The following EXD3 variants were observed in gnomAD, a reference collection of about 807,000 sequenced individuals.
The protein encoded by EXD3 is exonuclease mut-7 homolog.
Under a neutral mutation model 98.0 loss-of-function variants are expected in EXD3, and 92 were observed. The observed-to-expected ratio is 0.94, with a 90% confidence interval of 0.79 to 1.12. EXD3 has a LOEUF of 1.12. EXD3 is among the 50% of genes most tolerant of loss of function. EXD3 has a pLI of 0.00. For missense variants in EXD3, 1,222 were observed against 1,191.6 expected (o/e 1.03, Z -0.38); for synonymous variants, 569 against 526.0 (o/e 1.08, Z -1.12).
intron 7 of EXD3, 130 bp from the exon 8 acceptor site, chr9:137,356,498 T>C: frequency 1.5e-6 from 1 of 651,566 alleles, no homozygotes. Flanking sequence ...AATGCAGGCG[T>C]CACCGCCCCC....
chr9:137,373,053 T>C lies in EXD3; in HGVS notation c.314A>G (p.Gln105Arg). ...GACTTTGACCGCTCGGGCCTGCAGC[T>C]GCTTCAGCCTCAGGCTGTGCTGGAA... ...SLAQHSLRLK[Q>R]LQARAVKVLT... Residue 105 changes from glutamine (Q) to arginine (R), a missense_variant, in exon 5 of 22, where the codon CAG becomes CGG. Coordinates refer to ENST00000340951, the MANE Select transcript of EXD3 (RefSeq NM_017820.5). 6.3e-7 allele frequency: 1 copy of C among 1,589,096 alleles called. No individual in the cohort carries two copies. The highest frequency in any genetic ancestry group is 8.5e-7 in the Non-Finnish European group (1 of 1,170,332).
At chr9:137,312,840 GGGGCCAGCGCT>G (rs1258727553) in intron 19 of EXD3, among the ~76,000 whole-genome samples, 1 of 152,154 alleles carries the variant, frequency 6.6e-6, no homozygotes, top group Non-Finnish European at 1.5e-5. Context: ...CACAGCTGAA[GGGGCCAGCGCT>G]GGGCTGCAGA....
At position 137,353,964 on chromosome 9, in the gene EXD3, G is replaced by A. The variant is rs1210375275; in HGVS notation, c.870+375C>T. 14 of 1,077,974 alleles carry A rather than the reference G, an allele frequency of 1.3e-5. No homozygotes were observed. The South Asian group carries it at 1.8e-4, about 14-fold the overall frequency. The allele number at this position is 1,077,974 out of a possible 1,614,324, so 66.8% of individuals were successfully genotyped here. On this transcript the variant is annotated intron_variant, in intron 10 of 21. Transcript: ENST00000340951. ...CTGCCCTTCCGGCCGGCTCTGCGCTGGCACCGGGCTGGGGGGGCCTGGCCT... is the reference window on the plus strand; with the variant it reads ...CTGCCCTTCCGGCCGGCTCTGCGCTAGCACCGGGCTGGGGGGGCCTGGCCT...
chr9:137,354,902 G>A, intron 8 of EXD3, 129 bp from the exon 9 acceptor site: 2 of 909,006 alleles, frequency 2.2e-6, no homozygotes, highest in South Asian at 3.4e-5. Flanking sequence ...CTGCCCCGGA[G>A]CCCACCCCCT....
chr9:137,310,385 C>T (rs1831296974), intron 19 of EXD3, among the ~76,000 whole-genome samples: 1 of 152,188 alleles, frequency 6.6e-6, no homozygotes, highest in South Asian at 2.1e-4. Flanking sequence ...TACACCACCA[C>T]ACTCAGCTAA....
intron 21 of EXD3, 148 bp downstream of exon 21, chr9:137,307,460 C>T (rs1219632738): frequency 3.9e-6 from 5 of 1,266,322 alleles, no homozygotes; most frequent in Non-Finnish European, 5.3e-6. Context: ...AGGGACCCCA[C>T]CCCTCACCTT....
chr9:137,330,647 T>A (rs1169363491), intron 17 of EXD3, among the ~76,000 whole-genome samples: 1 of 150,332 alleles, frequency 6.7e-6, no homozygotes, highest in African/African-American at 2.5e-5. Flanking sequence ...ACACAGGAGC[T>A]ACACAGGACT....
chr9:137,392,455 G>T, intron 2 of EXD3: 2 of 172,976 alleles, frequency 1.2e-5, no homozygotes, highest in Non-Finnish European at 2.5e-5. Flanking sequence ...GGCACGGACA[G>T]GTGTCCAGGC....
chr9:137,389,394 G>A (rs1256608936), intron 2 of EXD3, among the ~76,000 whole-genome samples: 1 of 152,172 alleles, frequency 6.6e-6, no homozygotes, highest in African/African-American at 2.4e-5. Context: ...TCTCTCATCG[G>A]TCATGGGTCC....
chr9:137,407,477 G>T lies in EXD3; in HGVS notation c.-47-12073C>A, dbSNP rs889578881. On this transcript the variant is annotated intron_variant, in intron 1 of 21. Transcript: ENST00000340951. The surrounding 1 kb of genome is among the most constrained non-coding windows in gnomAD (Gnocchi z 4.4). ...CTGTGCCGTGCAAAGGGCAGGTCTG[G>T]CCGCTCTCGGGCTCTGCCCTGCCAG... 3.9e-5 allele frequency among the ~76,000 whole-genome samples: 6 copies of T among 152,298 alleles called. No individual in the cohort carries two copies. In the Middle Eastern group the frequency reaches 0.01, roughly 259 times the overall value.
intron 1 of EXD3, among the ~76,000 whole-genome samples, chr9:137,420,877 C>T (rs1454022705): frequency 1.3e-5 from 2 of 152,012 alleles, no homozygotes; most frequent in Non-Finnish European, 2.9e-5. Context: ...TGCAGTGGTG[C>T]GATCATAGCT....
At chr9:137,315,800 C>G (rs1014655426) in intron 19 of EXD3, among the ~76,000 whole-genome samples, 6 of 151,960 alleles carry the variant, frequency 3.9e-5, no homozygotes, top group African/African-American at 1.5e-4. Flanking sequence ...AGCCCCAGAC[C>G]CCACTCCCCG....
intron 1 of EXD3, among the ~76,000 whole-genome samples, chr9:137,402,260 C>CT (rs1179754099): frequency 6.6e-6 from 1 of 152,122 alleles, no homozygotes; most frequent in African/African-American, 2.4e-5. Flanking sequence ...GTGATCCGCC[C>CT]GTCTCAGCCT....
intron 19 of EXD3, among the ~76,000 whole-genome samples, chr9:137,315,307 CT>C (rs1831585257): frequency 6.6e-6 from 1 of 152,270 alleles, no homozygotes; most frequent in South Asian, 2.1e-4. Context: ...CCACCCCACC[CT>C]GTGCCCTCAG....
At chr9:137,354,305 C>A in intron 10 of EXD3, 34 bp downstream of exon 10, 1 of 1,610,378 alleles carries the variant, frequency 6.2e-7, no homozygotes, top group Non-Finnish European at 8.5e-7. Flanking sequence ...GCCCAGGCCG[C>A]CCTGCCGGCT....
At chr9:137,392,879 C>A in intron 2 of EXD3, 1 of 392,846 alleles carries the variant, frequency 2.5e-6, no homozygotes, top group Non-Finnish European at 4.8e-6. Context: ...CCAGGGAGGA[C>A]CATTAGTGTT....
At position 137,319,175 on chromosome 9, in the gene EXD3, C is replaced by T. The variant is rs1831887809; in HGVS notation, c.2184+4550G>A. 2.0e-5 allele frequency among the ~76,000 whole-genome samples: 3 copies of T among 152,370 alleles called. No individual in the cohort carries two copies. The South Asian group carries it at 6.2e-4, about 32-fold the overall frequency. ...GCTCCAGGGCGGAGGGCCGATCTCT[C>T]CTGCTGCGTCAGCCTGAGCGTGCCG... On this transcript the variant is annotated intron_variant, in intron 19 of 21. Transcript: ENST00000340951.
chr9:137,332,943 A>G (rs1426572349), intron 17 of EXD3, among the ~76,000 whole-genome samples: 2 of 152,190 alleles, frequency 1.3e-5, no homozygotes, highest in Non-Finnish European at 2.9e-5. Context: ...AAGGATGCAA[A>G]GTATTGATCC....
chr9:137,375,561 A>T (rs1835857253), intron 3 of EXD3, among the ~76,000 whole-genome samples: 1 of 151,912 alleles, frequency 6.6e-6, no homozygotes, highest in Non-Finnish European at 1.5e-5. Flanking sequence ...TGTGAGTCCT[A>T]GCGCTGGCAA....
Sources: gnomAD v4.1 joint callset for allele counts (sites outside exome capture counted in the v4.1 genomes callset) on GRCh38, gnomAD v4.1.1 for gene constraint, Gnocchi (gnomAD v3.1) non-coding constraint, MANE v1.5 for transcripts, NCBI Gene and HGNC (gene_info 2026-07-23, HGNC 2026-07-21) for gene names.